Variants in IL1RAPL2 observed in about 807,000 individuals in gnomAD.
IL1RAPL2 encodes the protein interleukin 1 receptor accessory protein like 2.
Under a neutral mutation model 44.1 loss-of-function variants are expected in IL1RAPL2, and 3 were observed. The ratio of observed to expected loss-of-function variants is 0.07; its 90% confidence interval spans 0.03 to 0.18. The LOEUF is 0.18. Among genes scored for constraint, IL1RAPL2 ranks in the 10% least tolerant of loss-of-function variants. The pLI is 1.00. For missense variants in IL1RAPL2, 391 were observed against 496.4 expected, an observed-to-expected ratio of 0.79 and a Z score of 2.02; for synonymous variants, 181 against 178.8, an observed-to-expected ratio of 1.01 and a Z score of -0.10.
chrX:105,447,075 T>TTATATATATATATATATATA (rs1205983853), intron 5 of IL1RAPL2, among the ~76,000 whole-genome samples: 2 of 16,868 alleles, frequency 1.2e-4, no homozygotes, highest in Non-Finnish European at 1.7e-4. Context: ...CTGGTTAAAA[T>TTATATATATATATATATATA]TATATATATA....
chrX:104,844,024 A>G (rs1921978101), intron 2 of IL1RAPL2, among the ~76,000 whole-genome samples: 1 of 110,223 alleles, frequency 9.1e-6, no homozygotes, highest in Admixed American at 9.8e-5. Flanking sequence ...TATTCCCACT[A>G]TAAATGTTCT....
intron 2 of IL1RAPL2, among the ~76,000 whole-genome samples, chrX:105,040,728 T>C (rs1040017127): frequency 9.1e-6 from 1 of 110,242 alleles, no homozygotes; most frequent in Non-Finnish European, 1.9e-5. Flanking sequence ...AGTGGTGATA[T>C]CCCCTTTATC....
chrX:104,955,205 A>G (rs896214723), intron 2 of IL1RAPL2, among the ~76,000 whole-genome samples: 1 of 111,281 alleles, frequency 9.0e-6, no homozygotes, highest in African/African-American at 3.3e-5. Context: ...CCTCTTAGCC[A>G]GAGATTCACT....
chrX:105,235,091 C>A (rs1556200169), intron 4 of IL1RAPL2, among the ~76,000 whole-genome samples: 1 of 111,573 alleles, frequency 9.0e-6, no homozygotes, highest in South Asian at 3.8e-4. Context: ...AGTTGCTTCC[C>A]TCTCCTGCCA....
At chrX:105,421,761 G>C (rs980796603) in intron 5 of IL1RAPL2, among the ~76,000 whole-genome samples, 8 of 111,686 alleles carry the variant, frequency 7.2e-5, no homozygotes, top group Admixed American at 1.9e-4. Context: ...ATAGGTTGCT[G>C]TTATTTTCTT....
intron 2 of IL1RAPL2, among the ~76,000 whole-genome samples, chrX:104,955,306 G>C (rs7876937): frequency 0.023 from 2,487 of 110,111 alleles, 66 homozygotes; most frequent in African/African-American, 0.079. Context: ...TATTCCTCAA[G>C]GTCACTGGGA....
chrX:105,547,897 G>T (rs2036817311), intron 6 of IL1RAPL2, among the ~76,000 whole-genome samples: 1 of 112,524 alleles, frequency 8.9e-6, no homozygotes, highest in Admixed American at 9.4e-5. Context: ...CACAATGCAT[G>T]CAAGGATAGG....
chrX:104,653,211 C>G (rs1274727168), intron 1 of IL1RAPL2, among the ~76,000 whole-genome samples: 5 of 111,885 alleles, frequency 4.5e-5, no homozygotes, highest in Non-Finnish European at 9.4e-5. Flanking sequence ...GCCATCAGAT[C>G]ACTTTATTTT....
intron 2 of IL1RAPL2, among the ~76,000 whole-genome samples, chrX:105,028,534 A>G (rs2031417979): frequency 9.0e-6 from 1 of 111,167 alleles, no homozygotes; most frequent in Non-Finnish European, 1.9e-5. Flanking sequence ...CAGATTTTGC[A>G]TTTTTGTATT....
At chrX:105,249,375 G>A (rs2034250340) in intron 4 of IL1RAPL2, among the ~76,000 whole-genome samples, 1 of 110,689 alleles carries the variant, frequency 9.0e-6, no homozygotes, top group African/African-American at 3.3e-5. Flanking sequence ...AGAGAGGTGG[G>A]GATGGTTAAT....
chrX:105,566,546 G>T (rs145838636), intron 6 of IL1RAPL2, among the ~76,000 whole-genome samples: 9 of 111,794 alleles, frequency 8.1e-5, no homozygotes, highest in African/African-American at 2.9e-4. Flanking sequence ...TTTGCAGAGA[G>T]GTTTGTGAGA....
At chrX:105,205,505 G>T (rs991839985) in intron 3 of IL1RAPL2, among the ~76,000 whole-genome samples, 1 of 96,329 alleles carries the variant, frequency 1.0e-5, no homozygotes, top group Non-Finnish European at 2.0e-5. Context: ...CAAGAGAATC[G>T]CTGGAACCTG....
At chrX:104,951,325 G>A (rs993552988) in intron 2 of IL1RAPL2, among the ~76,000 whole-genome samples, 2 of 112,094 alleles carry the variant, frequency 1.8e-5, no homozygotes, top group African/African-American at 6.5e-5. Context: ...ATGTGATAAA[G>A]CCCCATTACC....
intron 5 of IL1RAPL2, among the ~76,000 whole-genome samples, chrX:105,389,039 A>C (rs17003893): frequency 0.13 from 14,560 of 111,377 alleles, 2,318 homozygotes; most frequent in African/African-American, 0.45. Flanking sequence ...CCCACAGGAA[A>C]GGTTTTTCTC....
intron 6 of IL1RAPL2, among the ~76,000 whole-genome samples, chrX:105,554,145 T>C (rs2036879784): frequency 8.9e-6 from 1 of 112,568 alleles, no homozygotes; most frequent in Non-Finnish European, 1.9e-5. Flanking sequence ...GGCCCTGCCC[T>C]ACATCAGATG....
intron 1 of IL1RAPL2, among the ~76,000 whole-genome samples, chrX:104,633,777 A>C (rs1195423225): frequency 1.1e-4 from 12 of 110,931 alleles, no homozygotes; most frequent in African/African-American, 3.6e-4. Context: ...TTGTGTTGAT[A>C]GTTTCAAAAA....
intron 5 of IL1RAPL2, among the ~76,000 whole-genome samples, chrX:105,335,244 G>T (rs975615953): frequency 4.5e-5 from 5 of 111,305 alleles, no homozygotes; most frequent in African/African-American, 1.6e-4. Flanking sequence ...CCCAGATTAG[G>T]TACACCATAG....
intron 5 of IL1RAPL2, among the ~76,000 whole-genome samples, chrX:105,297,651 T>G (rs2034663954): frequency 9.0e-6 from 1 of 111,016 alleles, no homozygotes; most frequent in Non-Finnish European, 1.9e-5. Flanking sequence ...TGGGGGAAAC[T>G]GCCCCAATGA....
intron 2 of IL1RAPL2, among the ~76,000 whole-genome samples, chrX:104,692,291 C>A (rs979828867): frequency 9.1e-6 from 1 of 110,241 alleles, no homozygotes; most frequent in African/African-American, 3.3e-5. Flanking sequence ...ACAAAAATTA[C>A]AATACACCTT....
Sources: gnomAD v4.1 joint callset for allele counts (sites outside exome capture counted in the v4.1 genomes callset) on GRCh38, gnomAD v4.1.1 for gene constraint, MANE v1.5 for transcripts, NCBI Gene and HGNC (gene_info 2026-07-23, HGNC 2026-07-21) for gene names.